DYRK2: variants seen among roughly 807,000 people sequenced by gnomAD.
DYRK2 encodes dual specificity tyrosine-phosphorylation-regulated kinase 2.
A neutral mutation model predicts 41.6 loss-of-function variants in DYRK2; 12 were observed. That is an observed-to-expected ratio of 0.29 (90% CI 0.18 to 0.47). The LOEUF (loss-of-function observed/expected upper bound fraction) is 0.47, where lower values mean the gene tolerates loss of function less well. Among genes scored for constraint, DYRK2 ranks in the 20% least tolerant of loss-of-function variants. The pLI is 1.00. For synonymous variants in DYRK2, 322 were observed against 315.7 expected (o/e 1.02, Z -0.21); for missense variants, 678 against 798.4 (o/e 0.85, Z 1.82).
At position 67,651,670 on chromosome 12, in the gene DYRK2, G is replaced by C. The variant is rs1031691907; in HGVS notation, c.198+1725G>C. 3 of 454,338 alleles carry C rather than the reference G, an allele frequency of 6.6e-6. No individual in the cohort carries two copies. The Admixed American group carries it at 7.1e-5, about 11-fold the overall frequency. 28.1% of individuals were successfully genotyped at this position (454,338 alleles called of 1,614,324 possible). The stretch of plus-strand genomic sequence containing the variant: ...GCTTGACTTTGAAGGTGTGAATTTG[G>C]GTTTCGATGGTGGTTTAGTTTTGAT... On this transcript the variant is annotated intron_variant, in intron 2 of 2. Coordinates refer to ENST00000344096, the MANE Select transcript of DYRK2 (RefSeq NM_006482.3).
rs1357665935 is a variant in DYRK2, at chr12:67,664,140, A to T, written c.*5427A>T. The T allele has an allele frequency of 6.6e-6, 1 of 152,196 alleles. No individual in the cohort carries two copies. The highest frequency in any genetic ancestry group is 2.4e-5 in the African/African-American group (1 of 41,460). 9.4% of individuals were successfully genotyped at this position (152,196 alleles called of 1,614,324 possible). On this transcript the variant is annotated 3_prime_UTR_variant, in exon 3 of 3. Coordinates refer to ENST00000344096, the MANE Select transcript of DYRK2 (RefSeq NM_006482.3). ...AAAAATGACTGCCAGTGTGTTGCAC[A>T]TACATAAGAAAATTACATCTTACTG... is the stretch of plus-strand genomic sequence containing the variant.
intron 2 of DYRK2, among the ~76,000 whole-genome samples, chr12:67,653,508 G>A (rs572911714): frequency 6.6e-6 from 1 of 152,328 alleles, no homozygotes; most frequent in African/African-American, 2.4e-5. Context: ...TTTGTTGCAA[G>A]TGTTTTATAC....
At position 67,657,272 on chromosome 12, in the gene DYRK2, T is replaced by G. The variant is rs772165908; in HGVS notation, c.365T>G (p.Val122Gly). ...GTGGGCAAAACGGGCTTGCCAGTGGTGCCAGAGCGGCAGCTGGACAGCATT... is the reference window on the plus strand; with the variant it reads ...GTGGGCAAAACGGGCTTGCCAGTGGGGCCAGAGCGGCAGCTGGACAGCATT... Reference protein sequence around the residue: ...TTVGKTGLPVVPERQLDSIHR... With the variant: ...TTVGKTGLPVGPERQLDSIHR... Residue 122 changes from valine (V) to glycine (G), a missense_variant, in exon 3 of 3, where the codon GTG (valine) becomes GGG (glycine). Around this residue, in one of 2 missense-constraint regions of DYRK2, gnomAD observed 285 missense variants for 279.2 expected, o/e 1.02. Transcript: ENST00000344096. The surrounding 1 kb of genome is among the most constrained non-coding windows in gnomAD (Gnocchi z 4.8). 9 of 1,613,984 alleles carry G rather than the reference T, an allele frequency of 5.6e-6. No homozygotes were observed. Among genetic ancestry groups the G allele is most frequent in the Non-Finnish European group, 6.8e-6 (8 of 1,180,006 alleles).
Position 67,662,134 on chromosome 12 carries a change from T to C in DYRK2, c.*3421T>C, listed in dbSNP as rs1872640508. ...AAGGAGAGCATTCATTTTTGTAATTTTTTTCATCAAAAATATTTCTGGTAA... is the reference window on the plus strand; with the variant it reads ...AAGGAGAGCATTCATTTTTGTAATTCTTTTCATCAAAAATATTTCTGGTAA... On this transcript the variant is annotated 3_prime_UTR_variant, in exon 3 of 3. Coordinates refer to ENST00000344096, the MANE Select transcript of DYRK2 (RefSeq NM_006482.3). 2 of 166,726 alleles carry C rather than the reference T, an allele frequency of 1.2e-5. No homozygotes were observed. The highest frequency in any genetic ancestry group is 2.4e-5 in the African/African-American group (1 of 41,416). 10.3% of individuals were successfully genotyped at this position (166,726 alleles called of 1,614,324 possible). A position where few individuals can be genotyped will look rare whatever the true frequency, so the allele number is the denominator to read the frequency against.
chr12:67,656,937 G>A (rs1461851720), intron 2 of DYRK2, among the ~76,000 whole-genome samples, 169 bp from the exon 3 acceptor site: 1 of 152,116 alleles, frequency 6.6e-6, no homozygotes, highest in African/African-American at 2.4e-5. Flanking sequence ...GTTAGGCATG[G>A]CATTTATGAG....
chr12:67,649,839 C>CG lies in DYRK2; in HGVS notation c.96dup (p.Leu33AlafsTer39). On this transcript the variant is annotated frameshift_variant, in exon 2 of 3. Coordinates refer to ENST00000344096, the MANE Select transcript of DYRK2 (RefSeq NM_006482.3). LOFTEE classifies it high-confidence loss of function. Reference sequence around the variant, plus strand: ...GCCGTTCGTCAGCTTCAGGCTTCCCCGGGGCTCGGTGCAGGGGCCACCCGG... The same window carrying CG: ...GCCGTTCGTCAGCTTCAGGCTTCCCCGGGGGCTCGGTGCAGGGGCCACCCGG... The CG allele has an allele frequency of 7.5e-7, 1 of 1,330,648 alleles. No individual in the cohort carries two copies. 82.4% of individuals were successfully genotyped at this position (1,330,648 alleles called of 1,614,324 possible). A position where few individuals can be genotyped will look rare whatever the true frequency, so the allele number is the denominator to read the frequency against.
chr12:67,657,337 G>T lies in DYRK2; in HGVS notation c.430G>T (p.Glu144Ter). The change falls in exon 3 of 3, where the codon GAA (glutamate) becomes TAA (stop). Residue 144 changes from glutamate to a stop codon, truncating the protein, a stop_gained. Transcript: ENST00000344096. LOFTEE classifies it high-confidence loss of function. This position sits in a 1 kb window ranked among gnomAD's most constrained non-coding sequence, Gnocchi z 4.8. The part of the protein sequence containing the change: ...QGSSTSLKSM[E>*]GMGKVKATPM... ...GAGCTCCACCTCTCTAAAGTCCATG[G>T]AAGGCATGGGGAAGGTGAAAGCCAC... 1 of 1,614,032 alleles carries T rather than the reference G, an allele frequency of 6.2e-7. No individual in the cohort carries two copies. Among genetic ancestry groups the T allele is most frequent in the Non-Finnish European group, 8.5e-7 (1 of 1,179,996 alleles).
rs1023987730 is a variant in DYRK2 at position 67,659,443 on chromosome 12, G to T, written c.*730G>T. ...TAAAGAAGCCTCATATTACAGAGTT[G>T]CTTTTGCACCTAAATTTAGAATTGT... is the stretch of plus-strand genomic sequence containing the variant. On this transcript the variant is annotated 3_prime_UTR_variant, in exon 3 of 3. Transcript: ENST00000344096. The T allele has an allele frequency of 1.8e-5, 3 of 166,992 alleles. No homozygotes were observed. The Admixed American group carries it at 2.0e-4, about 11-fold the overall frequency. The allele number at this position is 166,992 out of a possible 1,614,324, so 10.3% of individuals were successfully genotyped here. A position where few individuals can be genotyped will look rare whatever the true frequency, so the allele number is the denominator to read the frequency against.
Position 67,653,156 on chromosome 12 carries a change from A to G in DYRK2, c.198+3211A>G, listed in dbSNP as rs900576132. Among the ~76,000 whole-genome samples the G allele has an allele frequency of 2.6e-5, 4 of 152,152 alleles. No homozygotes were observed. In the East Asian group the frequency reaches 7.7e-4, roughly 29 times the overall value. On this transcript the variant is annotated intron_variant, in intron 2 of 2. Coordinates refer to ENST00000344096, the MANE Select transcript of DYRK2 (RefSeq NM_006482.3). ...CAGTATGTATTTTTAAATGTGACAC[A>G]CACTGTGCTATACATTGGCATATCG... is the stretch of plus-strand genomic sequence containing the variant.
chr12:67,650,713 A>G (rs1474986737), intron 2 of DYRK2, among the ~76,000 whole-genome samples: 1 of 152,176 alleles, frequency 6.6e-6, no homozygotes, highest in African/African-American at 2.4e-5. Context: ...GGATTCGACT[A>G]AAGCATGTAC....
At chr12:67,650,140 A>G (rs1872274512) in intron 2 of DYRK2, among the ~76,000 whole-genome samples, 195 bp downstream of exon 2, 1 of 152,270 alleles carries the variant, frequency 6.6e-6, no homozygotes, top group Non-Finnish European at 1.5e-5. Flanking sequence ...CCACAAAGGA[A>G]GATTCGTGGC....
chr12:67,654,556 G>C (rs1299405588), intron 2 of DYRK2, among the ~76,000 whole-genome samples: 6 of 152,174 alleles, frequency 3.9e-5, no homozygotes, highest in African/African-American at 1.4e-4. Flanking sequence ...AGGCAGTGTT[G>C]ATGGAAAGGG....
chr12:67,663,441 C>G lies in DYRK2; in HGVS notation c.*4728C>G, dbSNP rs981758475. ...TCTGTTACCAACAGCCAAGGAATTA[C>G]TTAGTGTGGCTCCCTGCATCAATAC... On this transcript the variant is annotated 3_prime_UTR_variant, in exon 3 of 3. Coordinates refer to ENST00000344096, the MANE Select transcript of DYRK2 (RefSeq NM_006482.3). The G allele has an allele frequency of 2.6e-5, 4 of 152,102 alleles. No homozygotes were observed. Among genetic ancestry groups the G allele is most frequent in the African/African-American group, 9.7e-5 (4 of 41,422 alleles). The allele number at this position is 152,102 out of a possible 1,614,324, so 9.4% of individuals were successfully genotyped here. A position where few individuals can be genotyped will look rare whatever the true frequency, so the allele number is the denominator to read the frequency against.
chr12:67,651,341 G>C (rs1467869576), intron 2 of DYRK2: 2 of 292,430 alleles, frequency 6.8e-6, no homozygotes, highest in East Asian at 2.0e-4. Flanking sequence ...GCTATGTGTT[G>C]ATGTAATCAC....
chr12:67,651,292 A>G (rs1363700815), intron 2 of DYRK2, among the ~76,000 whole-genome samples: 1 of 152,118 alleles, frequency 6.6e-6, no homozygotes, highest in East Asian at 1.9e-4. Context: ...TTTGTTTGGG[A>G]TCATCTGACA....
Position 67,654,823 on chromosome 12 carries a change from A to C in DYRK2, c.199-2283A>C, listed in dbSNP as rs568552928. ...AGTTGGATATGTGTGTCTTCCACTC[A>C]GGAGATAGCACCTTGGAAGGTCTGA... is the stretch of plus-strand genomic sequence containing the variant. On this transcript the variant is annotated intron_variant, in intron 2 of 2. Transcript: ENST00000344096. Among the ~76,000 whole-genome samples, 32 of 152,318 alleles carry C rather than the reference A, an allele frequency of 2.1e-4. No homozygotes were observed. The South Asian group carries it at 5.0e-3, about 24-fold the overall frequency.
In DYRK2 at chr12:67,649,939, C is replaced by A; in HGVS notation, c.192C>A (p.Ala64=). The change falls in exon 2 of 3, where the codon GCC becomes GCA. Residue 64 remains alanine, a synonymous_variant. Transcript: ENST00000344096. ...PLRASNAAAA[A]HTIGGSKHTM... ...GGGCCAGCAACGCTGCCGCCGCAGC[C>A]CACACGGTGAGACCCAGCCCGCGGG... is the stretch of plus-strand genomic sequence containing the variant. The A allele has an allele frequency of 7.3e-7, 1 of 1,373,632 alleles. No individual in the cohort carries two copies. The highest frequency in any genetic ancestry group is 2.6e-4 in the Middle Eastern group (1 of 3,786). 85.1% of individuals were successfully genotyped at this position (1,373,632 alleles called of 1,614,324 possible). A position where few individuals can be genotyped will look rare whatever the true frequency, so the allele number is the denominator to read the frequency against.
rs1872524595 is a variant in DYRK2 at position 67,657,828 on chromosome 12, C to T, written c.921C>T (p.Asn307=). Residue 307 remains asparagine (N), a synonymous_variant, in exon 3 of 3, where the codon AAC becomes AAT. Transcript: ENST00000344096. This position sits in a 1 kb window ranked among gnomAD's most constrained non-coding sequence, Gnocchi z 4.8. ...ICMTFELLSM[N]LYELIKKNKF... is the part of the protein sequence containing the mutation. ...TGACGTTTGAGCTGCTGAGCATGAA[C>T]CTCTATGAGCTCATCAAGAAGAATA... 6.2e-7 allele frequency: 1 copy of T among 1,614,056 alleles called. No homozygotes were observed. The highest frequency in any genetic ancestry group is 1.1e-5 in the South Asian group (1 of 91,064).
rs559421504 is a variant in DYRK2, at chr12:67,658,991, C to G, written c.*278C>G. 5.1e-4 allele frequency: 146 copies of G among 287,510 alleles called. No homozygotes were observed. The highest frequency in any genetic ancestry group is 7.0e-4 in the Non-Finnish European group (103 of 147,486). 17.8% of individuals were successfully genotyped at this position (287,510 alleles called of 1,614,324 possible). ...TGTGGCAGAATAATAACATCAGTGG[C>G]AGGCCACTGATTACTTCATGACTGC... On this transcript the variant is annotated 3_prime_UTR_variant, in exon 3 of 3. Transcript: ENST00000344096. The surrounding 1 kb of genome is among the most constrained non-coding windows in gnomAD (Gnocchi z 4.3).
Sources: allele counts gnomAD v4.1 joint callset (sites outside exome capture counted in the v4.1 genomes callset), GRCh38; gene constraint gnomAD v4.1.1; regional missense constraint gnomAD v4.1.1; non-coding constraint Gnocchi (gnomAD v3.1); transcripts MANE v1.5; gene names NCBI Gene and HGNC (gene_info 2026-07-23, HGNC 2026-07-21).